The following PKHD1L1 variants were observed in gnomAD, a reference collection of about 807,000 sequenced individuals.
The protein encoded by PKHD1L1 is PKHD1 like 1, also known as fibrocystin-L.
In PKHD1L1, 434 loss-of-function variants were observed where a neutral mutation model predicts 462.9. That is an observed-to-expected ratio of 0.94 (90% CI 0.87 to 1.02). The LOEUF is 1.02. PKHD1L1 is among the 50% of genes least tolerant of loss of function. The probability of loss-of-function intolerance (pLI) is 0.00; values close to 1 mark genes in which losing one functional copy is unlikely to be tolerated. For missense variants in PKHD1L1, 5,202 were observed against 5,096.1 expected (o/e 1.02, Z -0.63); for synonymous variants, 1,781 against 1,750.0 (o/e 1.02, Z -0.44).
chr8:109,498,419 G>A (rs1183757578), intron 65 of PKHD1L1, 43 bp from the exon 66 acceptor site: 3 of 1,420,728 alleles, frequency 2.1e-6, no homozygotes, highest in Non-Finnish European at 3.0e-6. Context: ...CTTTTAGTAA[G>A]AGCTATTATT....
Position 109,483,053 on chromosome 8 carries a change from C to T in PKHD1L1, c.9524C>T (p.Thr3175Ile), listed in dbSNP as rs767082953. 1 of 1,601,598 alleles carries T rather than the reference C, an allele frequency of 6.2e-7. No individual in the cohort carries two copies. Among genetic ancestry groups the T allele is most frequent in the African/African-American group, 1.3e-5 (1 of 74,158 alleles). ...ATATATAAAACTAAGCTCTCAGAAA[C>T]TGCATTTGCAGGTTCCAAAGTCCTG... ...HSIYKTKLSE[T>I]AFAGSKVLSL... The change falls in exon 57 of 78, where the codon ACT becomes ATT. Residue 3175 changes from threonine to isoleucine, a missense_variant. Transcript: ENST00000378402.
chr8:109,407,085 T>A (rs923059923), intron 17 of PKHD1L1, among the ~76,000 whole-genome samples: 1 of 152,176 alleles, frequency 6.6e-6, no homozygotes, highest in Admixed American at 6.6e-5. Flanking sequence ...TGCCTTCAAG[T>A]CAGACTTCGC....
intron 45 of PKHD1L1, 61 bp downstream of exon 45, chr8:109,454,913 A>T: frequency 6.6e-7 from 1 of 1,522,676 alleles, no homozygotes; most frequent in East Asian, 2.3e-5. Flanking sequence ...CACCAGGGAT[A>T]ATTATCCTGT....
At position 109,404,569 on chromosome 8, in the gene PKHD1L1, C is replaced by A; in HGVS notation, c.1389C>A (p.Ile463=). 6.4e-7 allele frequency: 1 copy of A among 1,558,304 alleles called. No homozygotes were observed. Among genetic ancestry groups the A allele is most frequent in the Non-Finnish European group, 8.7e-7 (1 of 1,151,470 alleles). ...TATTTTCCAGATACTATATTGAAAT[C>A]TTGCTGCAGGAGTACAGATTAAGTG... ...LQKGKEYYIE[I]LLQEYRLSAF... Residue 463 remains isoleucine (I), a synonymous_variant, in exon 15 of 78, where the codon ATC becomes ATA. Transcript: ENST00000378402.
At chr8:109,470,272 G>C (rs1186540024) in intron 50 of PKHD1L1, 11 of 1,442,474 alleles carry the variant, frequency 7.6e-6, no homozygotes, top group African/African-American at 1.4e-5. Flanking sequence ...CTGTGATCTG[G>C]AGTGTAGCCA....
chr8:109,388,911 T>C (rs1255841422), intron 7 of PKHD1L1, among the ~76,000 whole-genome samples, 168 bp from the exon 8 acceptor site: 5 of 152,202 alleles, frequency 3.3e-5, no homozygotes, highest in African/African-American at 1.2e-4. Context: ...TATGCAAACA[T>C]CTTCAACAAA....
intron 22 of PKHD1L1, among the ~76,000 whole-genome samples, chr8:109,420,257 T>C (rs978699518): frequency 5.1e-4 from 77 of 152,190 alleles, no homozygotes; most frequent in African/African-American, 1.7e-3. Context: ...TGGTTTTTAC[T>C]TGATAGGGTT....
Position 109,382,574 on chromosome 8 carries a change from A to G in PKHD1L1, c.417+3A>G, listed in dbSNP as rs750179854. On this transcript the variant is annotated splice_donor_region_variant and intron_variant, in intron 4 of 77. Transcript: ENST00000378402. Reference sequence around the variant, plus strand: ...ACAGCTGGGAATGTACCTTCAACGTATGTAGGAATCTTCTCTTCAGTTTAT... The same window carrying G: ...ACAGCTGGGAATGTACCTTCAACGTGTGTAGGAATCTTCTCTTCAGTTTAT... The G allele has an allele frequency of 6.2e-7, 1 of 1,603,196 alleles. No homozygotes were observed. Among genetic ancestry groups the G allele is most frequent in the Non-Finnish European group, 8.5e-7 (1 of 1,173,740 alleles).
chr8:109,509,684 A>G (rs1041190055), intron 70 of PKHD1L1, among the ~76,000 whole-genome samples: 1 of 151,916 alleles, frequency 6.6e-6, no homozygotes, highest in African/African-American at 2.4e-5. Flanking sequence ...TATGTTATAC[A>G]TGGATATTTC....
At position 109,405,119 on chromosome 8, in the gene PKHD1L1, T is replaced by A. The variant is rs760677199; in HGVS notation, c.1658T>A (p.Met553Lys). Residue 553 changes from methionine (M) to lysine (K), a missense_variant, in exon 16 of 78, where the codon ATG becomes AAG. Coordinates refer to ENST00000378402, the MANE Select transcript of PKHD1L1 (RefSeq NM_177531.6). ...TACCAATATAGATTAATCTATAATATGGAAAAAACTGGTAAGTTATAAATA... is the reference window on the plus strand; with the variant it reads ...TACCAATATAGATTAATCTATAATAAGGAAAAAACTGGTAAGTTATAAATA... Reference protein sequence around the residue: ...SLYQYRLIYNMEKTVFLPADA... With the variant: ...SLYQYRLIYNKEKTVFLPADA... 6.9e-7 allele frequency: 1 copy of A among 1,457,044 alleles called. No individual in the cohort carries two copies. Among genetic ancestry groups the A allele is most frequent in the South Asian group, 1.3e-5 (1 of 78,476 alleles). 90.3% of individuals were successfully genotyped at this position (1,457,044 alleles called of 1,614,324 possible).
intron 71 of PKHD1L1, among the ~76,000 whole-genome samples, chr8:109,513,474 T>G (rs1005787714): frequency 5.3e-5 from 8 of 152,166 alleles, no homozygotes; most frequent in Admixed American, 1.3e-4. Context: ...GTCAAGTCTT[T>G]GCTAGAAACT....
chr8:109,384,020 T>C, intron 4 of PKHD1L1, 50 bp from the exon 5 acceptor site: 1 of 1,257,244 alleles, frequency 8.0e-7, no homozygotes, highest in Non-Finnish European at 1.2e-6. Context: ...TTCACAAAAC[T>C]AGAAACAAAA....
At position 109,408,212 on chromosome 8, in the gene PKHD1L1, G is replaced by A; in HGVS notation, c.1971+6G>A. The A allele has an allele frequency of 1.9e-6, 3 of 1,607,338 alleles. No individual in the cohort carries two copies. Among genetic ancestry groups the A allele is most frequent in the Non-Finnish European group, 1.7e-6 (2 of 1,176,056 alleles). ...TATGGTCATCAGAAGCTGAAGTACGGTGTAGGAATGTTTCTACCACGCATT... is the reference window on the plus strand; with the variant it reads ...TATGGTCATCAGAAGCTGAAGTACGATGTAGGAATGTTTCTACCACGCATT... On this transcript the variant is annotated splice_donor_region_variant and intron_variant, in intron 18 of 77. Transcript: ENST00000378402.
intron 25 of PKHD1L1, among the ~76,000 whole-genome samples, chr8:109,427,404 T>A (rs952297781): frequency 6.6e-6 from 1 of 152,166 alleles, no homozygotes; most frequent in African/African-American, 2.4e-5. Context: ...CAGAAATATG[T>A]GTGTTAGAAT....
chr8:109,440,999 A>C, intron 33 of PKHD1L1, 147 bp downstream of exon 33: 1 of 993,678 alleles, frequency 1.0e-6, no homozygotes, highest in Non-Finnish European at 1.4e-6. Flanking sequence ...GGTTAAAGTG[A>C]TAAAGAGAAA....
chr8:109,387,610 A>G (rs1360333090), intron 6 of PKHD1L1, among the ~76,000 whole-genome samples: 2 of 152,190 alleles, frequency 1.3e-5, no homozygotes, highest in African/African-American at 4.8e-5. Context: ...ATTTAGCTAG[A>G]ATAAGGCAGG....
chr8:109,470,147 A>T (rs1387479214), intron 50 of PKHD1L1: 10 of 630,988 alleles, frequency 1.6e-5, no homozygotes, highest in Non-Finnish European at 2.3e-5. Flanking sequence ...TTACAAGTTG[A>T]TCCCCAAAAA....
In PKHD1L1 at chr8:109,430,181, C is replaced by T. The variant is rs115748174; in HGVS notation, c.3229+144C>T. On this transcript the variant is annotated intron_variant, in intron 27 of 77. Coordinates refer to ENST00000378402, the MANE Select transcript of PKHD1L1 (RefSeq NM_177531.6). ...GTTCTACATTGTGAAAATTAAAAACCCTATCAGAGAAAAAAACTATGGAAA... is the reference window on the plus strand; with the variant it reads ...GTTCTACATTGTGAAAATTAAAAACTCTATCAGAGAAAAAAACTATGGAAA... The T allele has an allele frequency of 6.0e-3, 2,805 of 470,762 alleles. 53 individuals carry two copies. Among genetic ancestry groups the T allele is most frequent in the African/African-American group, 0.037 (1,797 of 49,098 alleles). The allele number at this position is 470,762 out of a possible 1,614,324, so 29.2% of individuals were successfully genotyped here. A position where few individuals can be genotyped will look rare whatever the true frequency, so the allele number is the denominator to read the frequency against.
intron 46 of PKHD1L1, 30 bp downstream of exon 46, chr8:109,456,421 T>C: frequency 6.4e-7 from 1 of 1,554,416 alleles, no homozygotes; most frequent in Non-Finnish European, 8.7e-7. Flanking sequence ...TAATGATGTG[T>C]ATTTAGAAAA....
Sources: gnomAD v4.1 joint callset for allele counts (sites outside exome capture counted in the v4.1 genomes callset) on GRCh38, gnomAD v4.1.1 for gene constraint, MANE v1.5 for transcripts, NCBI Gene and HGNC (gene_info 2026-07-23, HGNC 2026-07-21) for gene names.